ENOX1: variants seen among roughly 807,000 people sequenced by gnomAD.
ENOX1 encodes candidate growth-related and time keeping constitutive hydroquinone (NADH) oxidase.
In ENOX1, 42 loss-of-function variants were observed where a neutral mutation model predicts 82.5. The observed-to-expected ratio is 0.51, with a 90% CI of 0.40 to 0.66. The LOEUF (loss-of-function observed/expected upper bound fraction) is 0.66, where lower values mean the gene tolerates loss of function less well. Among genes scored for constraint, ENOX1 ranks in the 30% least tolerant of loss-of-function variants. The pLI is 0.00. For synonymous variants in ENOX1, 271 were observed against 282.2 expected (o/e 0.96, Z 0.40); for missense variants, 608 against 811.6 (o/e 0.75, Z 3.05).
At chr13:43,261,982 A>C (rs2044094101) in intron 14 of ENOX1, among the ~76,000 whole-genome samples, 2 of 152,002 alleles carry the variant, frequency 1.3e-5, no homozygotes, top group Non-Finnish European at 2.9e-5. Context: ...TAAAACTTAA[A>C]GTATAATAAA....
intron 8 of ENOX1, among the ~76,000 whole-genome samples, chr13:43,354,926 C>A (rs2050055506): frequency 2.0e-5 from 3 of 152,210 alleles, no homozygotes; most frequent in Admixed American, 2.0e-4. Flanking sequence ...ACTTTCTTGA[C>A]ACTTTCATCA....
At chr13:43,339,119 C>T (rs9562476) in intron 9 of ENOX1, among the ~76,000 whole-genome samples, 33,123 of 152,082 alleles carry the variant, frequency 0.22, 4,506 homozygotes, top group East Asian at 0.58. Context: ...TTCATAAATA[C>T]GGGCAGAACT....
Position 43,484,048 on chromosome 13 carries a change from TG to T in ENOX1, c.-115del, listed in dbSNP as rs1455094706. On this transcript the variant is annotated 5_prime_UTR_variant, in exon 3 of 17. It introduces an in-frame stop codon into an upstream open reading frame of the 5' UTR. Coordinates refer to ENST00000690772, the MANE Select transcript of ENOX1 (RefSeq NM_001347969.2). ...CAGCTCAGAAGACAAATGTGTTCTC[TG>T]GGGACTTGATTGAAACCATGTATTC... The T allele has an allele frequency of 3.0e-6, 3 of 985,428 alleles. No homozygotes were observed. The highest frequency in any genetic ancestry group is 3.6e-6 in the Non-Finnish European group (3 of 829,926). 61.0% of individuals were successfully genotyped at this position (985,428 alleles called of 1,614,324 possible). A position where few individuals can be genotyped will look rare whatever the true frequency, so the allele number is the denominator to read the frequency against.
intron 2 of ENOX1, among the ~76,000 whole-genome samples, chr13:43,640,641 A>G (rs1286259980): frequency 3.3e-5 from 5 of 152,118 alleles, no homozygotes; most frequent in African/African-American, 1.2e-4. Flanking sequence ...TCTCATTCTC[A>G]ATAGGAAAAG....
Position 43,614,230 on chromosome 13 carries a change from C to CT in ENOX1, c.-219+53248dup, listed in dbSNP as rs1185720455. Among the ~76,000 whole-genome samples, 12 of 152,276 alleles carry CT rather than the reference C, an allele frequency of 7.9e-5. No individual in the cohort carries two copies. The East Asian group carries it at 2.3e-3, about 29-fold the overall frequency. ...ATATCAGGGTTACTATGGGAAGACT[C>CT]TATTGTGGCATCAGAAACACAAAAA... On this transcript the variant is annotated intron_variant, in intron 2 of 16. Coordinates refer to ENST00000690772, the MANE Select transcript of ENOX1 (RefSeq NM_001347969.2).
At chr13:43,590,832 CAG>C (rs893379779) in intron 2 of ENOX1, among the ~76,000 whole-genome samples, 1 of 145,308 alleles carries the variant, frequency 6.9e-6, no homozygotes, top group African/African-American at 2.5e-5. Flanking sequence ...GACAACCCAA[CAG>C]AGAAATGCGC....
intron 1 of ENOX1, among the ~76,000 whole-genome samples, chr13:43,755,885 A>G (rs993789964): frequency 6.6e-6 from 1 of 152,208 alleles, no homozygotes; most frequent in African/African-American, 2.4e-5. Flanking sequence ...GTGAGACCTG[A>G]ACTATCTCCA....
intron 1 of ENOX1, among the ~76,000 whole-genome samples, chr13:43,776,507 A>G (rs1951927558): frequency 6.6e-5 from 10 of 152,204 alleles, no homozygotes; most frequent in Admixed American, 5.9e-4. Flanking sequence ...TAACATTCCC[A>G]TGCTTTGAGG....
chr13:43,676,636 C>T (rs1358433289), intron 1 of ENOX1, among the ~76,000 whole-genome samples: 1 of 152,096 alleles, frequency 6.6e-6, no homozygotes, highest in East Asian at 1.9e-4. Context: ...TTCCAAAGGA[C>T]CCCTACCTTG....
chr13:43,404,900 A>AGT (rs1401250783), intron 5 of ENOX1, among the ~76,000 whole-genome samples: 2 of 152,312 alleles, frequency 1.3e-5, no homozygotes, highest in East Asian at 3.9e-4. Context: ...GATAGTGAGA[A>AGT]ATCTTTCAAC....
rs55919280 is a variant in ENOX1, at chr13:43,684,095, C to CAAA, written c.-284-16554_-284-16552dup. On this transcript the variant is annotated intron_variant, in intron 1 of 16. Coordinates refer to ENST00000690772, the MANE Select transcript of ENOX1 (RefSeq NM_001347969.2). ...TGGGCGAAAGAGCGAGACTCTGTCT[C>CAAA]AAAAAAAAAAAAAAAAAATGTAACC... Among the ~76,000 whole-genome samples the CAAA allele has an allele frequency of 9.2e-3, 976 of 106,404 alleles. 37 individuals are homozygous for CAAA. Among genetic ancestry groups the CAAA allele is most frequent in the African/African-American group, 0.029 (763 of 25,958 alleles). 69.8% of individuals were successfully genotyped at this position (106,404 alleles called of 152,430 possible). A position where few individuals can be genotyped will look rare whatever the true frequency, so the allele number is the denominator to read the frequency against.
intron 1 of ENOX1, among the ~76,000 whole-genome samples, chr13:43,770,722 C>CAG (rs1373153424): frequency 1.3e-5 from 2 of 150,804 alleles, no homozygotes; most frequent in Non-Finnish European, 2.9e-5. Flanking sequence ...CACACACACA[C>CAG]AGACTCAAGA....
intron 2 of ENOX1, among the ~76,000 whole-genome samples, chr13:43,521,641 G>T (rs937828778): frequency 3.9e-5 from 6 of 152,094 alleles, no homozygotes; most frequent in African/African-American, 1.4e-4. Flanking sequence ...AATATACTTT[G>T]CCCTGGAAGG....
At chr13:43,577,549 G>T (rs540282084) in intron 2 of ENOX1, among the ~76,000 whole-genome samples, 1 of 152,104 alleles carries the variant, frequency 6.6e-6, no homozygotes, top group Non-Finnish European at 1.5e-5. Flanking sequence ...CTCATGTGGC[G>T]GAAAAGACAA....
intron 11 of ENOX1, among the ~76,000 whole-genome samples, chr13:43,313,700 C>T (rs1418002135): frequency 6.6e-6 from 1 of 152,168 alleles, no homozygotes; most frequent in Non-Finnish European, 1.5e-5. Flanking sequence ...AACACATACA[C>T]ACACAATTGG....
At chr13:43,328,305 T>C (rs560600379) in intron 9 of ENOX1, among the ~76,000 whole-genome samples, 10 of 152,308 alleles carry the variant, frequency 6.6e-5, no homozygotes, top group Non-Finnish European at 1.5e-4. Flanking sequence ...AGCTGCCTTC[T>C]GTAGGGGCAA....
In ENOX1 at chr13:43,361,340, T is replaced by C. The variant is rs76331756; in HGVS notation, c.321A>G (p.Glu107=). The change falls in exon 6 of 17, where the codon GAA becomes GAG. Residue 107 remains glutamate (E), a synonymous_variant. Coordinates refer to ENST00000690772, the MANE Select transcript of ENOX1 (RefSeq NM_001347969.2). ...GGATTATTTCTTTGACAACAGCCACTTCTGTTGGTGGTGGGGGAGGTACCA... is the reference window on the plus strand; with the variant it reads ...GGATTATTTCTTTGACAACAGCCACCTCTGTTGGTGGTGGGGGAGGTACCA... ...LGLVPPPPPT[E]VAVVKEIIHC... 2.8e-4 allele frequency: 457 copies of C among 1,614,072 alleles called. 3 individuals carry two copies. In the African/African-American group the frequency reaches 5.3e-3, roughly 19 times the overall value.
intron 5 of ENOX1, among the ~76,000 whole-genome samples, chr13:43,374,090 C>T (rs1489680927): frequency 6.6e-6 from 1 of 151,096 alleles, no homozygotes; most frequent in Admixed American, 6.6e-5. Flanking sequence ...CCTTCCCTTC[C>T]CTTCTCTCCC....
At chr13:43,405,591 G>C (rs1186291128) in intron 5 of ENOX1, among the ~76,000 whole-genome samples, 4 of 150,820 alleles carry the variant, frequency 2.7e-5, no homozygotes, top group Admixed American at 2.7e-4. Flanking sequence ...TGCAAGTCTA[G>C]AAGCCTAGGA....
Sources: gnomAD v4.1 joint callset for allele counts (sites outside exome capture counted in the v4.1 genomes callset) on GRCh38, gnomAD v4.1.1 for gene constraint, MANE v1.5 for transcripts, NCBI Gene and HGNC (gene_info 2026-07-23, HGNC 2026-07-21) for gene names.